ARHGAP4: variants seen among roughly 807,000 people sequenced by gnomAD.
The protein encoded by ARHGAP4 is Rho GTPase activating protein 4, also known as rho GTPase-activating protein 4.
Under a neutral mutation model 67.6 loss-of-function variants are expected in ARHGAP4, and 25 were observed. That is an observed-to-expected ratio of 0.37 (90% CI 0.27 to 0.52). ARHGAP4 has a LOEUF of 0.52. Among genes scored for constraint, ARHGAP4 ranks in the 20% least tolerant of loss-of-function variants. The pLI, the probability that ARHGAP4 is intolerant of heterozygous loss-of-function variation, is 0.92. For missense variants in ARHGAP4, 804 were observed against 854.6 expected (o/e 0.94, Z 0.74); for synonymous variants, 448 against 373.7 (o/e 1.20, Z -2.29).
intron 5 of ARHGAP4, 165 bp from the exon 6 acceptor site, chrX:153,919,448 G>A: frequency 9.0e-7 from 1 of 1,116,344 alleles, no homozygotes; most frequent in Non-Finnish European, 1.2e-6. Flanking sequence ...TCCACAGTGT[G>A]CTCAGCCCAG....
Position 153,909,826 on chromosome X carries a change from C to T in ARHGAP4, c.2329G>A (p.Glu777Lys), listed in dbSNP as rs1311162891. ...FRRGDVLRLH[E>K]RASSDWWRGE... is the part of the protein sequence containing the mutation. ...CGCCACCAGTCGCTCGAGGCCCTCT[C>T]GTGCAGCCGCAGTACGTCCCCCCGC... The change falls in exon 19 of 22, where the codon GAG becomes AAG. Residue 777 changes from glutamate (E) to lysine (K), a missense_variant. Coordinates refer to ENST00000350060, the MANE Select transcript of ARHGAP4 (RefSeq NM_001666.5). The T allele has an allele frequency of 1.7e-5, 21 of 1,200,060 alleles. No homozygotes were observed. The highest frequency in any genetic ancestry group is 2.2e-5 in the Admixed American group (1 of 44,738).
Position 153,910,540 on chromosome X carries a change from C to A in ARHGAP4, c.1888G>T (p.Val630Leu), listed in dbSNP as rs1557102827. The A allele has an allele frequency of 4.2e-6, 5 of 1,204,666 alleles. No individual in the cohort carries two copies. Among genetic ancestry groups the A allele is most frequent in the Non-Finnish European group, 5.6e-6 (5 of 894,055 alleles). ...AAGGTGAAGAGGTAGCGCAGAACCA[C>A]CAGCACCGGCGCGGGCAGCCGCCAC... is the stretch of plus-strand genomic sequence containing the variant. ...LLWRLPAPVL[V>L]VLRYLFTFLN... The change falls in exon 16 of 22, where the codon GTG becomes TTG. Residue 630 changes from valine to leucine, a missense_variant. Coordinates refer to ENST00000350060, the MANE Select transcript of ARHGAP4 (RefSeq NM_001666.5).
chrX:153,918,804 G>A, intron 7 of ARHGAP4, 28 bp downstream of exon 7: 1 of 1,195,401 alleles, frequency 8.4e-7, no homozygotes. Context: ...GCCAGAGAAT[G>A]CCAAGCCCAG....
At chrX:153,922,419 G>A in intron 1 of ARHGAP4, 5 of 753,675 alleles carry the variant, frequency 6.6e-6, no homozygotes, top group Non-Finnish European at 7.8e-6. Context: ...GGGGCAGGGA[G>A]CTAGCCCCCG....
At position 153,909,296 on chromosome X, in the gene ARHGAP4, A is replaced by G. The variant is rs2064997460; in HGVS notation, c.2508-127T>C. 4.6e-6 allele frequency: 4 copies of G among 863,643 alleles called. No homozygotes were observed. The African/African-American group carries it at 8.0e-5, about 17-fold the overall frequency. The allele number at this position is 863,643 out of a possible 1,213,427, so 71.2% of individuals were successfully genotyped here. A position where few individuals can be genotyped will look rare whatever the true frequency, so the allele number is the denominator to read the frequency against. On this transcript the variant is annotated intron_variant, in intron 20 of 21. Transcript: ENST00000350060. ...GGCCCAGTGGTCCCCAAGCTCCTCT[A>G]GAGCCTCTCCCTGTCACAAGCTGGG...
At position 153,921,531 on chromosome X, in the gene ARHGAP4, G is replaced by A; in HGVS notation, c.273-4C>T. The A allele has an allele frequency of 8.4e-7, 1 of 1,193,896 alleles. No individual in the cohort carries two copies. The highest frequency in any genetic ancestry group is 1.7e-5 in the African/African-American group (1 of 57,445). ...CGACAGGAGGGACGGCTCCTTCCTGGGGGTAGAGGGGCACTGAGACCTGGG... is the reference window on the plus strand; with the variant it reads ...CGACAGGAGGGACGGCTCCTTCCTGAGGGTAGAGGGGCACTGAGACCTGGG... On this transcript the variant is annotated splice_region_variant and splice_polypyrimidine_tract_variant and intron_variant, in intron 2 of 21. Coordinates refer to ENST00000350060, the MANE Select transcript of ARHGAP4 (RefSeq NM_001666.5).
chrX:153,908,987 G>GA (rs1311658612), intron 21 of ARHGAP4, 83 bp downstream of exon 21: 1 of 1,021,789 alleles, frequency 9.8e-7, no homozygotes, highest in Non-Finnish European at 1.4e-6. Context: ...CTGGAACCTC[G>GA]AGGAGGGAGG....
At chrX:153,911,375 A>C (rs1326504168) in intron 12 of ARHGAP4, among the ~76,000 whole-genome samples, 186 bp from the exon 13 acceptor site, 10 of 105,842 alleles carry the variant, frequency 9.4e-5, no homozygotes, top group Non-Finnish European at 1.5e-4. Flanking sequence ...CTCCTGCCTC[A>C]AGCTCCCCAA....
Position 153,926,251 on chromosome X carries a change from T to C in ARHGAP4, c.-49A>G. 2 of 1,037,343 alleles carry C rather than the reference T, an allele frequency of 1.9e-6. No homozygotes were observed. The highest frequency in any genetic ancestry group is 2.0e-5 in the African/African-American group (1 of 49,613). 85.5% of individuals were successfully genotyped at this position (1,037,343 alleles called of 1,213,427 possible). On this transcript the variant is annotated 5_prime_UTR_variant, in exon 1 of 22. Transcript: ENST00000350060. The stretch of plus-strand genomic sequence containing the variant: ...GAACCCCACTGCTCCCACGCGGCCG[T>C]GAGCGGGCCCGGCGCCGGGACTTGG...
rs782266251 is a variant in ARHGAP4, at chrX:153,910,004, G to A, written c.2230+8C>T. The A allele has an allele frequency of 3.4e-5, 41 of 1,209,433 alleles. No homozygotes were observed. The highest frequency in any genetic ancestry group is 8.8e-5 in the South Asian group (5 of 56,844). On this transcript the variant is annotated splice_region_variant and intron_variant, in intron 18 of 21. Coordinates refer to ENST00000350060, the MANE Select transcript of ARHGAP4 (RefSeq NM_001666.5). ...GACAGGGTGGGGCTCTCTGCCCATCGCCCTCACCATCCTCCTGTGCGGGCA... is the reference window on the plus strand; with the variant it reads ...GACAGGGTGGGGCTCTCTGCCCATCACCCTCACCATCCTCCTGTGCGGGCA...
Position 153,915,119 on chromosome X carries a change from G to A in ARHGAP4, c.1033-1240C>T, listed in dbSNP as rs551854672. On this transcript the variant is annotated intron_variant, in intron 7 of 21. Transcript: ENST00000350060. ...TTGAGGACATGGGACTCAGTGAAAGGAGCCAGTCACAGAAAGGCCCGCACT... is the reference window on the plus strand; with the variant it reads ...TTGAGGACATGGGACTCAGTGAAAGAAGCCAGTCACAGAAAGGCCCGCACT... Among the ~76,000 whole-genome samples, 124 of 111,332 alleles carry A rather than the reference G, an allele frequency of 1.1e-3. 3 individuals carry two copies. The South Asian group carries it at 0.043, about 39-fold the overall frequency.
In ARHGAP4 at chrX:153,913,303, C is replaced by T; in HGVS notation, c.1327-1G>A. The T allele has an allele frequency of 1.7e-6, 2 of 1,185,875 alleles. No individual in the cohort carries two copies. Among genetic ancestry groups the T allele is most frequent in the Non-Finnish European group, 2.3e-6 (2 of 882,606 alleles). ...GTCCACTCAGATACTCCTGGAGCTT[C>T]TGGGCAGCCCCAAGAAGAGCCCCAA... is the stretch of plus-strand genomic sequence containing the variant. On this transcript the variant is annotated splice_acceptor_variant, in intron 9 of 21. Coordinates refer to ENST00000350060, the MANE Select transcript of ARHGAP4 (RefSeq NM_001666.5). LOFTEE classifies it high-confidence loss of function.
rs782780656 is a variant in ARHGAP4 at position 153,907,802 on chromosome X, C to G, written c.2768G>C (p.Arg923Pro). The G allele has an allele frequency of 4.0e-6, 4 of 1,010,315 alleles. No individual in the cohort carries two copies. Among genetic ancestry groups the G allele is most frequent in the Non-Finnish European group, 3.8e-6 (3 of 788,394 alleles). The allele number at this position is 1,010,315 out of a possible 1,213,427, so 83.3% of individuals were successfully genotyped here. A position where few individuals can be genotyped will look rare whatever the true frequency, so the allele number is the denominator to read the frequency against. ...GGGTGAGGCTGGGGCCCCAGGGCCC[C>G]GGGAGAAGCCTTTGTTCCTGCCCAG... ...SRLGRNKGFSRGPGAPASPSA... is the reference protein window; with the variant it reads ...SRLGRNKGFSPGPGAPASPSA... Residue 923 changes from arginine to proline, a missense_variant, in exon 22 of 22, where the codon CGG becomes CCG. Arg to Pro is a moderately radical substitution (Grantham distance 103). Coordinates refer to ENST00000350060, the MANE Select transcript of ARHGAP4 (RefSeq NM_001666.5).
chrX:153,921,832 G>A, intron 1 of ARHGAP4, 23 bp from the exon 2 acceptor site: 1 of 1,166,876 alleles, frequency 8.6e-7, no homozygotes, highest in Non-Finnish European at 1.1e-6. Flanking sequence ...CCATGGCTCA[G>A]GCCTGGTCAG....
intron 7 of ARHGAP4, among the ~76,000 whole-genome samples, chrX:153,917,077 G>A (rs1172507977): frequency 4.5e-5 from 5 of 111,555 alleles, no homozygotes; most frequent in Admixed American, 9.5e-5. Flanking sequence ...TCAGCCAGGC[G>A]TGGTGGCGGG....
At chrX:153,925,663 GC>G (rs1557106014) in intron 1 of ARHGAP4, among the ~76,000 whole-genome samples, 1 of 112,326 alleles carries the variant, frequency 8.9e-6, no homozygotes, top group African/African-American at 3.2e-5. Context: ...CCCCCTCAGT[GC>G]TAAAGGGAGG....
In ARHGAP4 at chrX:153,913,436, C is replaced by T. The variant is rs2065035075; in HGVS notation, c.1299G>A (p.Gln433=). 1.7e-6 allele frequency: 2 copies of T among 1,209,697 alleles called. No homozygotes were observed. Among genetic ancestry groups the T allele is most frequent in the African/African-American group, 1.7e-5 (1 of 57,368 alleles). Residue 433 remains glutamine, a synonymous_variant, in exon 9 of 22, where the codon CAG becomes CAA. Coordinates refer to ENST00000350060, the MANE Select transcript of ARHGAP4 (RefSeq NM_001666.5). Reference sequence around the variant, plus strand: ...TGAGGTAGAAGGTTTCGGTCTCCTGCTGCTGGCCGCGCCTCCGGCCCGCCT... The same window carrying T: ...TGAGGTAGAAGGTTTCGGTCTCCTGTTGCTGGCCGCGCCTCCGGCCCGCCT... ...SRQAGRRRGQ[Q]QETETFYLTK...
chrX:153,923,638 G>A (rs782290488), intron 1 of ARHGAP4, among the ~76,000 whole-genome samples: 9 of 112,846 alleles, frequency 8.0e-5, no homozygotes, highest in African/African-American at 1.6e-4. Flanking sequence ...CAGAGCCCAC[G>A]ATGCCAAGTG....
Position 153,919,072 on chromosome X carries a change from G to A in ARHGAP4, c.811-19C>T. 8.3e-7 allele frequency: 1 copy of A among 1,209,913 alleles called. No individual in the cohort carries two copies. ...CACAGCACTGAGGAGGAAACAAGGAGATGCTTGGGTAGGTCCTGGAGCCAC... is the reference window on the plus strand; with the variant it reads ...CACAGCACTGAGGAGGAAACAAGGAAATGCTTGGGTAGGTCCTGGAGCCAC... On this transcript the variant is annotated intron_variant, in intron 6 of 21. Transcript: ENST00000350060.
Sources: gnomAD v4.1 joint callset for allele counts (sites outside exome capture counted in the v4.1 genomes callset) on GRCh38, gnomAD v4.1.1 for gene constraint, MANE v1.5 for transcripts, NCBI Gene and HGNC (gene_info 2026-07-23, HGNC 2026-07-21) for gene names.